ZC3H12B: variants seen among roughly 807,000 people sequenced by gnomAD.
ZC3H12B encodes the protein probable ribonuclease ZC3H12B.
In ZC3H12B, 7 loss-of-function variants were observed where a neutral mutation model predicts 43.9. That is an observed-to-expected ratio of 0.16 (90% confidence interval 0.09 to 0.30). The LOEUF is 0.30. Ranked by LOEUF, ZC3H12B falls within the 10% of genes least tolerant of loss-of-function variation. The pLI, the probability that ZC3H12B is intolerant of heterozygous loss-of-function variation, is 1.00. For missense variants in ZC3H12B, 475 were observed against 670.2 expected (o/e 0.71, Z 3.22); for synonymous variants, 222 against 241.7 (o/e 0.92, Z 0.76).
chrX:65,403,173 T>A (rs192078355), intron 3 of ZC3H12B, among the ~76,000 whole-genome samples: 9 of 112,250 alleles, frequency 8.0e-5, no homozygotes, highest in Non-Finnish European at 5.6e-5. Flanking sequence ...ATCTAAAAAG[T>A]ACAACTGGCA....
chrX:65,058,534 TGAG>T, the ZC3H12B span, among the ~76,000 whole-genome samples: 3 of 112,052 alleles, frequency 2.7e-5, no homozygotes, highest in African/African-American at 9.8e-5. Context: ...GGGACCCACT[TGAG>T]GAGGCAGTCT....
the ZC3H12B span, among the ~76,000 whole-genome samples, chrX:65,247,006 A>G: frequency 8.9e-6 from 1 of 112,651 alleles, no homozygotes. Flanking sequence ...CAAATTATGC[A>G]TTTGACAAAG....
chrX:65,406,572 C>CTGAGCGGGGCTGGGCGGGGA (rs1217147469), intron 3 of ZC3H12B, among the ~76,000 whole-genome samples: 3 of 29,980 alleles, frequency 1.0e-4, no homozygotes, highest in African/African-American at 6.9e-4. Flanking sequence ...CTGAACGGGG[C>CTGAGCGGGGCTGGGCGGGGA]TGGGCGGGGC....
chrX:65,143,900 T>C, the ZC3H12B span, among the ~76,000 whole-genome samples: 1 of 110,924 alleles, frequency 9.0e-6, no homozygotes, highest in Non-Finnish European at 1.9e-5. Context: ...TTTTTGGATT[T>C]GGTTAGCTAG....
At chrX:65,145,495 C>A in the ZC3H12B span, among the ~76,000 whole-genome samples, 2 of 111,472 alleles carry the variant, frequency 1.8e-5, no homozygotes, top group Non-Finnish European at 3.8e-5. Context: ...TGTGAAGTAC[C>A]ATTTTATTCT....
intron 3 of ZC3H12B, among the ~76,000 whole-genome samples, chrX:65,480,858 A>T (rs1569422169): frequency 1.8e-5 from 2 of 110,829 alleles, no homozygotes; most frequent in Non-Finnish European, 3.8e-5. Context: ...AAAAAAAAAA[A>T]AAAGAGTACT....
the ZC3H12B span, among the ~76,000 whole-genome samples, chrX:65,121,834 T>C: frequency 8.9e-6 from 1 of 111,734 alleles, no homozygotes; most frequent in Non-Finnish European, 1.9e-5. Flanking sequence ...GAGATTCTAG[T>C]ATGTTGTGTC....
At position 65,468,839 on chromosome X, in the gene ZC3H12B, A is replaced by G. The variant is rs191335650; in HGVS notation, n.408-19807A>G. Among the ~76,000 whole-genome samples the G allele has an allele frequency of 4.1e-4, 45 of 109,470 alleles. 1 individual carries two copies. The Admixed American group carries it at 4.4e-3, about 11-fold the overall frequency. ...ACTGAATCTGTAGATTGCTTTGTGC[A>G]GTATGGAAATTTTCTCTCTTTTTTT... is the stretch of plus-strand genomic sequence containing the variant. On this transcript the variant is annotated intron_variant and non_coding_transcript_variant, in intron 3 of 5. Transcript: ENST00000617377.
At chrX:65,414,223 C>T (rs1481507892) in intron 3 of ZC3H12B, among the ~76,000 whole-genome samples, 1 of 110,334 alleles carries the variant, frequency 9.1e-6, no homozygotes, top group Non-Finnish European at 1.9e-5. Flanking sequence ...ATAATGCTGG[C>T]CTCATAGAAT....
At chrX:65,450,869 A>G (rs201812557) in intron 3 of ZC3H12B, among the ~76,000 whole-genome samples, 8 of 89,415 alleles carry the variant, frequency 8.9e-5, no homozygotes, top group African/African-American at 1.2e-4. Context: ...GTATATATGT[A>G]TATATATACA....
the ZC3H12B span, among the ~76,000 whole-genome samples, chrX:65,044,071 C>T: frequency 5.4e-5 from 6 of 111,299 alleles, no homozygotes; most frequent in South Asian, 3.8e-4. Context: ...GCAAATAATA[C>T]GTAATATATA....
chrX:65,127,828 C>T, the ZC3H12B span, among the ~76,000 whole-genome samples: 1 of 110,914 alleles, frequency 9.0e-6, no homozygotes, highest in African/African-American at 3.3e-5. Flanking sequence ...CAGGCCTCAC[C>T]CCCCTCCCAC....
intron 2 of ZC3H12B, chrX:65,398,582 CCATTGTGAAGATGTGCATGCTTCCAA>C: frequency 9.0e-6 from 1 of 111,448 alleles, no homozygotes; most frequent in Non-Finnish European, 1.9e-5. Context: ...TCCTGTCCTG[CCATTGTGAAGATGTGCATGCTTCCAA>C]CATTGTGAAG....
intron 2 of ZC3H12B, among the ~76,000 whole-genome samples, chrX:65,393,092 C>T (rs1373318925): frequency 1.8e-5 from 2 of 110,831 alleles, no homozygotes; most frequent in Non-Finnish European, 3.8e-5. Flanking sequence ...CTCAAGTACC[C>T]AGGGACACAA....
the ZC3H12B span, among the ~76,000 whole-genome samples, chrX:65,079,130 C>T: frequency 8.9e-6 from 1 of 112,591 alleles, no homozygotes; most frequent in Non-Finnish European, 1.9e-5. Context: ...TGATGTTTCT[C>T]TTTCTGTGCC....
intron 3 of ZC3H12B, among the ~76,000 whole-genome samples, chrX:65,445,437 A>G (rs1254495670): frequency 8.9e-6 from 1 of 112,715 alleles, no homozygotes; most frequent in African/African-American, 3.2e-5. Context: ...GGTACGATTC[A>G]AGAGAAATCC....
the ZC3H12B span, among the ~76,000 whole-genome samples, chrX:65,082,066 TAAAAC>T: frequency 6.3e-5 from 7 of 111,790 alleles, no homozygotes; most frequent in Admixed American, 1.9e-4. Context: ...AAAAATGTCT[TAAAAC>T]AAATGAAAAT....
the ZC3H12B span, among the ~76,000 whole-genome samples, chrX:65,047,733 A>C: frequency 9.1e-6 from 1 of 109,834 alleles, no homozygotes; most frequent in Middle Eastern, 4.6e-3. Context: ...TTTTCCATCC[A>C]TTTTCTTTCA....
the ZC3H12B span, among the ~76,000 whole-genome samples, chrX:65,122,514 G>T: frequency 2.7e-5 from 3 of 111,124 alleles, no homozygotes; most frequent in Non-Finnish European, 5.7e-5. Context: ...TTAATGACAG[G>T]ATCAAATTCA....
Sources: allele counts gnomAD v4.1 joint callset (sites outside exome capture counted in the v4.1 genomes callset), GRCh38; gene constraint gnomAD v4.1.1; transcripts MANE v1.5; gene names NCBI Gene and HGNC (gene_info 2026-07-23, HGNC 2026-07-21).